The following PARN variants were observed in gnomAD, a reference collection of about 807,000 sequenced individuals.
The protein encoded by PARN is poly(A)-specific ribonuclease.
A neutral mutation model predicts 102.8 loss-of-function variants in PARN; 71 were observed. The observed-to-expected ratio is 0.69, with a 90% CI of 0.57 to 0.84. The LOEUF (loss-of-function observed/expected upper bound fraction) is 0.84. PARN is among the 40% of genes least tolerant of loss of function. The pLI, the probability that PARN is intolerant of heterozygous loss-of-function variation, is 0.00. For missense variants in PARN, 782 were observed against 760.9 expected, an observed-to-expected ratio of 1.03 and a Z score of -0.33; for synonymous variants, 261 against 252.9, an observed-to-expected ratio of 1.03 and a Z score of -0.30.
In PARN at chr16:14,525,826, A is replaced by G. The variant is rs909816701; in HGVS notation, c.1480+26195T>C. Among the ~76,000 whole-genome samples, 3 of 152,080 alleles carry G rather than the reference A, an allele frequency of 2.0e-5. No homozygotes were observed. The South Asian group carries it at 6.2e-4, about 32-fold the overall frequency. The stretch of plus-strand genomic sequence containing the variant: ...GAGTGTTCTCACCATGATTTCAACC[A>G]AATTTTCTTTTTCTTTTCTTTGAGA... On this transcript the variant is annotated intron_variant, in intron 21 of 23. Transcript: ENST00000437198.
intron 19 of PARN, among the ~76,000 whole-genome samples, chr16:14,554,658 G>A (rs1967548417): frequency 6.6e-6 from 1 of 151,210 alleles, no homozygotes; most frequent in Non-Finnish European, 1.5e-5. Flanking sequence ...TGCCCACGCT[G>A]GTCTTGAATT....
intron 22 of PARN, among the ~76,000 whole-genome samples, chr16:14,458,716 G>C (rs2151570159): frequency 6.6e-6 from 1 of 152,300 alleles, no homozygotes; most frequent in Non-Finnish European, 1.5e-5. Context: ...CAGGTGATGA[G>C]GACTGGAGCC....
chr16:14,559,627 C>T (rs1334924834), intron 18 of PARN, among the ~76,000 whole-genome samples: 1 of 151,878 alleles, frequency 6.6e-6, no homozygotes, highest in Non-Finnish European at 1.5e-5. Flanking sequence ...CCCTGTTGTG[C>T]TATCAAATAG....
At chr16:14,590,272 G>GAA (rs1970108608) in intron 13 of PARN, among the ~76,000 whole-genome samples, 1 of 71,514 alleles carries the variant, frequency 1.4e-5, no homozygotes, top group Non-Finnish European at 2.9e-5. Context: ...GGAAAGAGAA[G>GAA]AGAAAAAAAA....
chr16:14,608,071 T>C, intron 9 of PARN: 2 of 563,234 alleles, frequency 3.6e-6, no homozygotes, highest in South Asian at 2.6e-5. Context: ...AAAGTGATAA[T>C]TATTTTAAGA....
chr16:14,470,310 T>C (rs1023714310), intron 22 of PARN, among the ~76,000 whole-genome samples: 3 of 152,052 alleles, frequency 2.0e-5, no homozygotes, highest in South Asian at 2.1e-4. Context: ...CTGAATTTTA[T>C]TGGAGACACT....
At chr16:14,487,284 T>C (rs146138760) in intron 21 of PARN, among the ~76,000 whole-genome samples, 67 of 152,390 alleles carry the variant, frequency 4.4e-4, no homozygotes, top group African/African-American at 1.5e-3. Context: ...CATTTATATA[T>C]ACATTTTAAC....
intron 18 of PARN, among the ~76,000 whole-genome samples, chr16:14,569,647 G>A (rs1336759930): frequency 6.6e-6 from 1 of 152,186 alleles, no homozygotes; most frequent in Non-Finnish European, 1.5e-5. Context: ...AAATGCTCCA[G>A]GTGATGCAAA....
intron 12 of PARN, among the ~76,000 whole-genome samples, chr16:14,597,608 A>C (rs1398180344): frequency 1.3e-5 from 2 of 152,148 alleles, no homozygotes; most frequent in Non-Finnish European, 2.9e-5. Flanking sequence ...GAGGCAGGAG[A>C]ATGGCGTGAA....
intron 7 of PARN, 67 bp downstream of exon 7, chr16:14,610,576 GA>G: frequency 1.1e-6 from 1 of 922,662 alleles, no homozygotes; most frequent in Non-Finnish European, 1.8e-6. Context: ...ACAGGTTTGA[GA>G]TATAGATGCC....
intron 22 of PARN, among the ~76,000 whole-genome samples, chr16:14,480,328 A>C (rs1276617732): frequency 6.6e-6 from 1 of 152,244 alleles, no homozygotes; most frequent in Non-Finnish European, 1.5e-5. Flanking sequence ...ACTCTGTCTC[A>C]AAAGAAAAGA....
In PARN at chr16:14,482,643, G is replaced by A. The variant is rs1963445835; in HGVS notation, c.1665C>T (p.Asn555=). 1 of 1,598,722 alleles carries A rather than the reference G, an allele frequency of 6.3e-7. No homozygotes were observed. Among genetic ancestry groups the A allele is most frequent in the Non-Finnish European group, 8.5e-7 (1 of 1,174,134 alleles). The change falls in exon 22 of 24, where the codon AAC becomes AAT. Residue 555 remains asparagine (N), a synonymous_variant. Transcript: ENST00000437198. ...TAACAGCTGAGAGCTCTTACCTATT[G>A]TTGCGGTAATAGTGATTCTGCAGGG... ...PYTLQNHYYR[N]NSFTAPSTVG...
At chr16:14,561,012 C>G (rs931673080) in intron 18 of PARN, among the ~76,000 whole-genome samples, 6 of 152,092 alleles carry the variant, frequency 3.9e-5, no homozygotes, top group African/African-American at 1.4e-4. Context: ...CAAAAATTAG[C>G]TGGGTATGGT....
At chr16:14,488,843 G>A (rs1241654058) in intron 21 of PARN, among the ~76,000 whole-genome samples, 4 of 148,286 alleles carry the variant, frequency 2.7e-5, no homozygotes, top group African/African-American at 5.0e-5. Flanking sequence ...TTTCACTCAC[G>A]AATAATAAGA....
At chr16:14,475,572 C>T (rs1962994618) in intron 22 of PARN, among the ~76,000 whole-genome samples, 1 of 152,218 alleles carries the variant, frequency 6.6e-6, no homozygotes, top group African/African-American at 2.4e-5. Flanking sequence ...AAGAAGCACA[C>T]TGCTACAATA....
intron 18 of PARN, among the ~76,000 whole-genome samples, chr16:14,576,429 T>A (rs1048946089): frequency 6.6e-6 from 1 of 152,186 alleles, no homozygotes; most frequent in Admixed American, 6.5e-5. Flanking sequence ...GAAAACAACC[T>A]TCCCGAAAAC....
At chr16:14,570,356 A>T (rs1409833700) in intron 18 of PARN, among the ~76,000 whole-genome samples, 4 of 150,620 alleles carry the variant, frequency 2.7e-5, no homozygotes, top group Non-Finnish European at 5.9e-5. Flanking sequence ...AAAGAAAAGA[A>T]AAAGGAAAGA....
rs942660581 is a variant in PARN at position 14,619,186 on chromosome 16, A to C, written c.328-1536T>G. Among the ~76,000 whole-genome samples, 4 of 152,062 alleles carry C rather than the reference A, an allele frequency of 2.6e-5. No individual in the cohort carries two copies. The East Asian group carries it at 5.8e-4, about 22-fold the overall frequency. Reference sequence around the variant, plus strand: ...CCACTGCACTCCAGCCTGAGTGACAAAGTGAGACCTTGCCTCAAAACAAAA... The same window carrying C: ...CCACTGCACTCCAGCCTGAGTGACACAGTGAGACCTTGCCTCAAAACAAAA... On this transcript the variant is annotated intron_variant, in intron 5 of 23. Coordinates refer to ENST00000437198, the MANE Select transcript of PARN (RefSeq NM_002582.4).
chr16:14,461,410 T>C (rs1961964569), intron 22 of PARN, among the ~76,000 whole-genome samples: 1 of 152,174 alleles, frequency 6.6e-6, no homozygotes, highest in Non-Finnish European at 1.5e-5. Context: ...TGATATGCAG[T>C]GAGTGTTTCT....
Sources: gnomAD v4.1 joint callset for allele counts (sites outside exome capture counted in the v4.1 genomes callset) on GRCh38, gnomAD v4.1.1 for gene constraint, MANE v1.5 for transcripts, NCBI Gene and HGNC (gene_info 2026-07-23, HGNC 2026-07-21) for gene names.